The following JPT2 variants were observed in gnomAD, a reference collection of about 807,000 sequenced individuals.
JPT2 encodes the protein Jupiter microtubule associated homolog 2.
In JPT2, 9 loss-of-function variants were observed where a neutral mutation model predicts 15.9. That is an observed-to-expected ratio of 0.57 (90% CI 0.34 to 0.99). The LOEUF is 0.99. JPT2 is among the 50% of genes least tolerant of loss of function. The pLI is 0.02. For missense variants in JPT2, 267 were observed against 252.1 expected, an observed-to-expected ratio of 1.06 and a Z score of -0.40; for synonymous variants, 95 against 91.7, an observed-to-expected ratio of 1.04 and a Z score of -0.21.
At chr16:1,683,396 G>GTAC in intron 1 of JPT2, 1 of 692,122 alleles carries the variant, frequency 1.4e-6, no homozygotes. Context: ...CAGGTGCCAG[G>GTAC]TACTGCTCCC....
intron 1 of JPT2, 62 bp downstream of exon 1, chr16:1,678,418 GC>G: frequency 9.2e-7 from 1 of 1,086,200 alleles, no homozygotes; most frequent in African/African-American, 1.7e-5. Flanking sequence ...GAGCGGGCCA[GC>G]CCAGGGCGTC....
intron 1 of JPT2, among the ~76,000 whole-genome samples, chr16:1,679,923 G>A (rs1412210802): frequency 6.6e-6 from 1 of 152,100 alleles, no homozygotes; most frequent in Non-Finnish European, 1.5e-5. Context: ...CGGGTGTGGG[G>A]TGGCGGGTGC....
rs532732504 is a variant in JPT2 at position 1,684,917 on chromosome 16, A to C, written c.45-522A>C. ...CAGAGCGAGACTCCATCTCAAAAAA[A>C]AAAAAAAAAGAATACTTTTAAGGGA... On this transcript the variant is annotated intron_variant, in intron 1 of 4. Transcript: ENST00000248098. Among the ~76,000 whole-genome samples, 14 of 151,910 alleles carry C rather than the reference A, an allele frequency of 9.2e-5. No individual in the cohort carries two copies. The South Asian group carries it at 2.7e-3, about 29-fold the overall frequency.
rs1596505646 is a variant in JPT2, at chr16:1,684,782, G to T, written c.45-657G>T. Among the ~76,000 whole-genome samples the T allele has an allele frequency of 2.0e-5, 3 of 151,914 alleles. No individual in the cohort carries two copies. In the Middle Eastern group the frequency reaches 0.01, roughly 520 times the overall value. On this transcript the variant is annotated intron_variant, in intron 1 of 4. Coordinates refer to ENST00000248098, the MANE Select transcript of JPT2 (RefSeq NM_144570.3). ...AAAAGTTAGCCAGGTGTTGTGGCAG[G>T]CACCTGTAATCTGAGCTACTCAGGA...
Position 1,696,169 on chromosome 16 carries a change from C to T in JPT2, c.337-1643C>T, listed in dbSNP as rs2037139952. Among the ~76,000 whole-genome samples the T allele has an allele frequency of 2.0e-5, 3 of 151,896 alleles. 1 individual carries two copies. The East Asian group carries it at 5.8e-4, about 29-fold the overall frequency. On this transcript the variant is annotated intron_variant, in intron 3 of 4. Coordinates refer to ENST00000248098, the MANE Select transcript of JPT2 (RefSeq NM_144570.3). The stretch of plus-strand genomic sequence containing the variant: ...AACTGAACCTGGGAGGCTGAGGTTG[C>T]AATGAGTTGAGACTGCGCCATTGCA...
chr16:1,693,444 T>C (rs995616358), intron 3 of JPT2, among the ~76,000 whole-genome samples: 2 of 152,164 alleles, frequency 1.3e-5, no homozygotes, highest in Admixed American at 6.5e-5. Context: ...GGAAGTATCT[T>C]TGGGGGCTTT....
intron 2 of JPT2, among the ~76,000 whole-genome samples, chr16:1,690,888 G>A (rs538444455): frequency 6.6e-6 from 1 of 152,334 alleles, no homozygotes; most frequent in African/African-American, 2.4e-5. Flanking sequence ...ATGAGCTACA[G>A]TAACTCACTG....
At chr16:1,679,083 T>C (rs895248168) in intron 1 of JPT2, among the ~76,000 whole-genome samples, 3 of 152,224 alleles carry the variant, frequency 2.0e-5, no homozygotes, top group African/African-American at 4.8e-5. Flanking sequence ...ACTTTTCTTA[T>C]GTTTTTGAAC....
At chr16:1,680,561 G>A (rs965388859) in intron 1 of JPT2, 10 of 1,110,236 alleles carry the variant, frequency 9.0e-6, no homozygotes, top group East Asian at 1.7e-4. Flanking sequence ...TCATCTGAAC[G>A]GGGTCGAGTC....
chr16:1,697,720 A>G, intron 3 of JPT2, 92 bp from the exon 4 acceptor site: 2 of 1,215,224 alleles, frequency 1.6e-6, no homozygotes, highest in Non-Finnish European at 2.4e-6. Context: ...TTTGTAAATT[A>G]AAAGGTTATA....
chr16:1,685,439 G>A lies in JPT2; in HGVS notation c.45G>A (p.Arg15=). The A allele has an allele frequency of 6.2e-7, 1 of 1,614,022 alleles. No homozygotes were observed. Residue 15 remains arginine (R), a splice_region_variant and synonymous_variant, in exon 2 of 5, where the codon AGG becomes AGA. Transcript: ENST00000248098. ...ATTGGCATGTACTCTGTGCTTGTAG[G>A]GCCATGAAGCCCCCAGGAGGAGAAT... The part of the protein sequence containing the change: ...PDSEGGRAGS[R]AMKPPGGESS...
intron 2 of JPT2, among the ~76,000 whole-genome samples, chr16:1,691,172 T>C (rs1330523003): frequency 1.3e-5 from 2 of 152,248 alleles, no homozygotes; most frequent in African/African-American, 2.4e-5. Flanking sequence ...TAGCCATCTT[T>C]CTGTGGAATG....
At chr16:1,682,501 G>A (rs367957433) in intron 1 of JPT2, among the ~76,000 whole-genome samples, 6 of 152,006 alleles carry the variant, frequency 3.9e-5, no homozygotes, top group Admixed American at 3.3e-4. Flanking sequence ...GTGAAACCCC[G>A]TCTCTACTAA....
chr16:1,692,433 A>G (rs199741345), intron 3 of JPT2: 5 of 182,394 alleles, frequency 2.7e-5, no homozygotes, highest in Admixed American at 5.4e-5. Flanking sequence ...GGAGATTGTC[A>G]GCACTTGACT....
intron 1 of JPT2, among the ~76,000 whole-genome samples, chr16:1,678,863 C>T (rs1017569576): frequency 6.6e-6 from 1 of 152,176 alleles, no homozygotes; most frequent in African/African-American, 2.4e-5. Context: ...GCCCGTGTCC[C>T]TGGTGTGTGT....
intron 3 of JPT2, 37 bp downstream of exon 3, chr16:1,692,022 G>A (rs1169381954): frequency 2.5e-6 from 4 of 1,609,378 alleles, no homozygotes; most frequent in South Asian, 1.1e-5. Flanking sequence ...CGCAGCAGCG[G>A]GTATGCCAGG....
intron 3 of JPT2, among the ~76,000 whole-genome samples, chr16:1,692,760 C>T (rs2037113095): frequency 6.6e-6 from 1 of 152,228 alleles, no homozygotes; most frequent in Admixed American, 6.5e-5. Flanking sequence ...GATATTTTTT[C>T]ATCTATTCAC....
At chr16:1,702,558 T>C (rs1567122078), downstream of JPT2, among the ~76,000 whole-genome samples, 1 of 152,238 alleles carries the variant, frequency 6.6e-6, no homozygotes. Context: ...ACACAGGCTC[T>C]TTTGATGTCA....
At position 1,692,005 on chromosome 16, in the gene JPT2, G is replaced by C; in HGVS notation, c.336+20G>C. The stretch of plus-strand genomic sequence containing the variant: ...CCCAAGGTATGGACTGCATTCAGAC[G>C]TGACAGCGCAGCAGCGGGTATGCCA... On this transcript the variant is annotated intron_variant, in intron 3 of 4. Transcript: ENST00000248098. 1 of 1,613,644 alleles carries C rather than the reference G, an allele frequency of 6.2e-7. No individual in the cohort carries two copies. The highest frequency in any genetic ancestry group is 8.5e-7 in the Non-Finnish European group (1 of 1,179,710).
Sources: gnomAD v4.1 joint callset for allele counts (sites outside exome capture counted in the v4.1 genomes callset) on GRCh38, gnomAD v4.1.1 for gene constraint, MANE v1.5 for transcripts, NCBI Gene and HGNC (gene_info 2026-07-23, HGNC 2026-07-21) for gene names.